CSTPP1: variants seen among roughly 807,000 people sequenced by gnomAD.
The protein encoded by CSTPP1 is UPF0705 protein C11orf49.
the CSTPP1 span, among the ~76,000 whole-genome samples, chr11:47,098,273 CCT>C: frequency 7.0e-6 from 1 of 142,246 alleles, no homozygotes; most frequent in East Asian, 2.0e-4. Flanking sequence ...GCCAAATCCC[CCT>C]CTGTGAGAAA....
the CSTPP1 span, among the ~76,000 whole-genome samples, chr11:47,036,034 G>GATATATATATATATATAT: frequency 2.8e-3 from 72 of 25,356 alleles, 7 homozygotes; most frequent in African/African-American, 6.7e-3. Flanking sequence ...GGAGTGAAAA[G>GATATATATATATATATAT]ATATATATAT....
At chr11:46,943,639 T>C in the CSTPP1 span, among the ~76,000 whole-genome samples, 1 of 152,260 alleles carries the variant, frequency 6.6e-6, no homozygotes, top group Non-Finnish European at 1.5e-5. Context: ...GAGAATTTTA[T>C]TGACAATCAT....
chr11:47,137,813 A>G, the CSTPP1 span: 25 of 1,380,988 alleles, frequency 1.8e-5, no homozygotes, highest in African/African-American at 3.2e-4. Context: ...TACAAATGAA[A>G]AAAAGGAGCA....
the CSTPP1 span, among the ~76,000 whole-genome samples, chr11:47,070,994 CT>C: frequency 6.6e-6 from 1 of 152,102 alleles, no homozygotes; most frequent in Non-Finnish European, 1.5e-5. Flanking sequence ...CCATGTAGAA[CT>C]TTCCCCCATG....
At chr11:47,027,878 T>G in the CSTPP1 span, among the ~76,000 whole-genome samples, 1 of 152,144 alleles carries the variant, frequency 6.6e-6, no homozygotes, top group Non-Finnish European at 1.5e-5. Flanking sequence ...TGAAGAAGAT[T>G]GTTAGTGCTC....
the CSTPP1 span, among the ~76,000 whole-genome samples, chr11:47,141,780 A>C: frequency 6.6e-6 from 1 of 151,856 alleles, no homozygotes; most frequent in African/African-American, 2.4e-5. Context: ...TAAAAATACA[A>C]AACTTAGCTG....
the CSTPP1 span, among the ~76,000 whole-genome samples, chr11:47,008,690 G>A: frequency 6.6e-6 from 1 of 151,934 alleles, no homozygotes; most frequent in Non-Finnish European, 1.5e-5. Flanking sequence ...TGTTAATTCT[G>A]CTATGCTTAT....
the CSTPP1 span, among the ~76,000 whole-genome samples, chr11:47,082,710 C>G: frequency 6.6e-6 from 1 of 152,168 alleles, no homozygotes; most frequent in Admixed American, 6.5e-5. Flanking sequence ...TTAGCAGTAA[C>G]TCCCCTTTTT....
chr11:47,059,024 G>A, the CSTPP1 span, among the ~76,000 whole-genome samples: 4 of 152,180 alleles, frequency 2.6e-5, no homozygotes, highest in East Asian at 1.9e-4. Flanking sequence ...AAAAAGGAAC[G>A]AGATCGTGTC....
chr11:47,007,561 CA>C, the CSTPP1 span, among the ~76,000 whole-genome samples: 1 of 152,102 alleles, frequency 6.6e-6, no homozygotes, highest in East Asian at 1.9e-4. Context: ...ATGGTTATTA[CA>C]AAGTCCATAA....
chr11:47,007,238 G>T, the CSTPP1 span, among the ~76,000 whole-genome samples: 1 of 150,020 alleles, frequency 6.7e-6, no homozygotes. Flanking sequence ...ACCATGTTGG[G>T]CAGGCTGGTC....
At chr11:47,038,285 C>A in the CSTPP1 span, among the ~76,000 whole-genome samples, 1 of 111,124 alleles carries the variant, frequency 9.0e-6, no homozygotes, top group Admixed American at 9.3e-5. Flanking sequence ...GGGGGCTGAC[C>A]CCCCCACCTC....
At chr11:46,951,295 CT>C in the CSTPP1 span, among the ~76,000 whole-genome samples, 14,526 of 127,604 alleles carry the variant, frequency 0.11, 2,061 homozygotes, top group African/African-American at 0.41. Flanking sequence ...TCCTTAGACT[CT>C]TTTTTTTTTT....
the CSTPP1 span, among the ~76,000 whole-genome samples, chr11:47,048,962 C>T: frequency 1.3e-5 from 2 of 151,892 alleles, no homozygotes; most frequent in Non-Finnish European, 2.9e-5. Context: ...TGGGCTTTGT[C>T]TTGTTTTATT....
the CSTPP1 span, among the ~76,000 whole-genome samples, chr11:46,973,100 C>G: frequency 6.6e-6 from 1 of 152,156 alleles, no homozygotes; most frequent in Non-Finnish European, 1.5e-5. Context: ...ATTCGGTAAA[C>G]TTTCAAGAGC....
the CSTPP1 span, among the ~76,000 whole-genome samples, chr11:47,091,612 C>T: frequency 6.6e-6 from 1 of 152,212 alleles, no homozygotes; most frequent in Non-Finnish European, 1.5e-5. Context: ...TCTTTTCCCT[C>T]ACCCTGTGGG....
the CSTPP1 span, among the ~76,000 whole-genome samples, chr11:47,042,799 A>G: frequency 1.3e-5 from 2 of 152,306 alleles, no homozygotes; most frequent in Admixed American, 6.5e-5. Flanking sequence ...ATTAATGTCT[A>G]TTAAAGAACT....
the CSTPP1 span, among the ~76,000 whole-genome samples, chr11:47,098,507 CTTT>C: frequency 3.6e-5 from 5 of 137,412 alleles, no homozygotes; most frequent in East Asian, 2.2e-4. Context: ...TTTCTTTTTT[CTTT>C]TTTTTTTTTT....
the CSTPP1 span, among the ~76,000 whole-genome samples, chr11:47,128,194 A>T: frequency 2.8e-3 from 418 of 151,696 alleles, 3 homozygotes; most frequent in African/African-American, 9.4e-3. Flanking sequence ...ACTCTTAACC[A>T]TTGCACTATG....
Sources: gnomAD v4.1 joint callset for allele counts (sites outside exome capture counted in the v4.1 genomes callset) on GRCh38, gnomAD v4.1.1 for gene constraint, MANE v1.5 for transcripts, NCBI Gene and HGNC (gene_info 2026-07-23, HGNC 2026-07-21) for gene names.